The following FSTL4 variants were observed in gnomAD, a reference collection of about 807,000 sequenced individuals.
FSTL4 encodes the protein follistatin-related protein 4.
A neutral mutation model predicts 78.2 loss-of-function variants in FSTL4; 28 were observed. That is an observed-to-expected ratio of 0.36 (90% CI 0.27 to 0.49). The LOEUF (loss-of-function observed/expected upper bound fraction) is 0.49, where lower values mean the gene tolerates loss of function less well. FSTL4 is among the 20% of genes least tolerant of loss of function. The pLI, the probability that FSTL4 is intolerant of heterozygous loss-of-function variation, is 0.98. For synonymous variants in FSTL4, 422 were observed against 440.5 expected (o/e 0.96, Z 0.53); for missense variants, 922 against 1,084.9 (o/e 0.85, Z 2.11).
intron 8 of FSTL4, among the ~76,000 whole-genome samples, chr5:133,231,971 T>C (rs1436694665): frequency 1.4e-4 from 22 of 152,238 alleles, no homozygotes; most frequent in African/African-American, 5.1e-4. Flanking sequence ...AGAGGCACAG[T>C]CACGAAAGTA....
chr5:133,277,732 G>T (rs556904218), intron 6 of FSTL4, among the ~76,000 whole-genome samples: 4 of 152,154 alleles, frequency 2.6e-5, no homozygotes, highest in Non-Finnish European at 4.4e-5. Context: ...CTCACGAGTG[G>T]GGCTGACTCT....
chr5:133,798,984 G>GGGAGGGAGGAAGGGAGGGAT, the FSTL4 span, among the ~76,000 whole-genome samples: 1 of 87,276 alleles, frequency 1.1e-5, no homozygotes, highest in African/African-American at 5.5e-5. Flanking sequence ...GAGGGAGGGA[G>GGGAGGGAGGAAGGGAGGGAT]GGAGGAAGGG....
chr5:133,486,014 G>A lies in FSTL4; in HGVS notation c.160+81172C>T, dbSNP rs76194596. ...TCCCAAGGGAGCAGGAAGTACAAAG[G>A]CCCAGCTCCTGGGGGAATGGCACTC... On this transcript the variant is annotated intron_variant, in intron 3 of 15. Transcript: ENST00000265342. Among the ~76,000 whole-genome samples, 192 of 152,284 alleles carry A rather than the reference G, an allele frequency of 1.3e-3. 1 individual carries two copies. The highest frequency in any genetic ancestry group is 9.3e-3 in the East Asian group (48 of 5,180).
chr5:133,560,247 C>T (rs1225364967), intron 3 of FSTL4, among the ~76,000 whole-genome samples: 1 of 152,224 alleles, frequency 6.6e-6, no homozygotes, highest in East Asian at 1.9e-4. Flanking sequence ...AGCTATCCAC[C>T]ACAAGGTCCT....
At chr5:133,392,827 T>C (rs1580674598) in intron 4 of FSTL4, among the ~76,000 whole-genome samples, 2 of 152,322 alleles carry the variant, frequency 1.3e-5, no homozygotes, top group East Asian at 3.9e-4. Context: ...AGGCTGTAGC[T>C]TGTTTCCATA....
At chr5:133,231,437 T>C (rs566380821) in intron 8 of FSTL4, among the ~76,000 whole-genome samples, 1 of 152,152 alleles carries the variant, frequency 6.6e-6, no homozygotes, top group Non-Finnish European at 1.5e-5. Flanking sequence ...GCCAGCAATG[T>C]GGCAGAGACC....
intron 3 of FSTL4, among the ~76,000 whole-genome samples, chr5:133,537,795 TATAC>T (rs1003314535): frequency 1.1e-4 from 16 of 151,210 alleles, no homozygotes; most frequent in African/African-American, 3.9e-4. Context: ...TATATATATA[TATAC>T]ACACACACAC....
chr5:133,555,501 C>T (rs1313801342), intron 3 of FSTL4, among the ~76,000 whole-genome samples: 1 of 152,212 alleles, frequency 6.6e-6, no homozygotes, highest in African/African-American at 2.4e-5. Context: ...TCCCAACTCA[C>T]AGGCTTTCTT....
At chr5:133,240,254 T>G (rs1751807658) in intron 7 of FSTL4, among the ~76,000 whole-genome samples, 1 of 152,178 alleles carries the variant, frequency 6.6e-6, no homozygotes, top group South Asian at 2.1e-4. Context: ...GTCCGCGGCT[T>G]CATTCTTGAA....
chr5:133,760,525 G>A, the FSTL4 span, among the ~76,000 whole-genome samples: 1 of 152,194 alleles, frequency 6.6e-6, no homozygotes, highest in African/African-American at 2.4e-5. Flanking sequence ...TCCAGACAGG[G>A]CGATCTCCAT....
At chr5:133,287,283 G>T (rs1753153983) in intron 6 of FSTL4, among the ~76,000 whole-genome samples, 1 of 151,894 alleles carries the variant, frequency 6.6e-6, no homozygotes, top group Non-Finnish European at 1.5e-5. Context: ...AGCTACTCGG[G>T]AGGCTGAGGC....
intron 3 of FSTL4, among the ~76,000 whole-genome samples, chr5:133,520,479 A>G (rs916694060): frequency 1.5e-4 from 23 of 152,168 alleles, no homozygotes; most frequent in African/African-American, 5.6e-4. Flanking sequence ...GATGGACAGC[A>G]CTTTCATAGG....
rs748129732 is a variant in FSTL4 at position 133,210,205 on chromosome 5, G to A, written c.1702C>T (p.Arg568Ter). 5 of 1,596,010 alleles carry A rather than the reference G, an allele frequency of 3.1e-6. No individual in the cohort carries two copies. Among genetic ancestry groups the A allele is most frequent in the Non-Finnish European group, 4.3e-6 (5 of 1,163,650 alleles). Residue 568 changes from arginine (R) to a stop codon, truncating the protein, a stop_gained, in exon 14 of 16, where the codon CGA (arginine) becomes TGA (stop). Transcript: ENST00000265342. LOFTEE classifies it high-confidence loss of function. ...VLSWGDVHKS[R>*]PSLQVITEAS... is the part of the protein sequence containing the mutation. ...GCTCAACATACCTGGAGACTTGGTC[G>A]GGACTTGTGCACGTCCCCCCAGCTC...
intron 4 of FSTL4, among the ~76,000 whole-genome samples, chr5:133,366,733 T>C (rs1041363782): frequency 1.3e-5 from 2 of 151,606 alleles, no homozygotes; most frequent in Middle Eastern, 3.2e-3. Flanking sequence ...CCAAGGAACA[T>C]CAACGGACCA....
At chr5:133,353,133 T>C (rs908104806) in intron 4 of FSTL4, among the ~76,000 whole-genome samples, 5 of 152,224 alleles carry the variant, frequency 3.3e-5, no homozygotes, top group Admixed American at 6.5e-5. Context: ...AGTATAAAGA[T>C]GAGAATTTAG....
rs1308641152 is a variant in FSTL4, at chr5:133,221,920, T to TGTTTTTTG, written c.1340-1055_1340-1054insCAAAAAAC. On this transcript the variant is annotated intron_variant, in intron 11 of 15. Transcript: ENST00000265342. ...TTTTTTTTTTTTTTTTTTTTTTTTTTTTTTTTTAGCATGCTGAGAAAACTG... is the reference window on the plus strand; with the variant it reads ...TTTTTTTTTTTTTTTTTTTTTTTTTTGTTTTTTGTTTTTTTAGCATGCTGAGAAAACTG... 5.5e-4 allele frequency among the ~76,000 whole-genome samples: 72 copies of TGTTTTTTG among 130,402 alleles called. 3 individuals are homozygous for TGTTTTTTG. Among genetic ancestry groups the TGTTTTTTG allele is most frequent in the South Asian group, 2.5e-4 (1 of 4,062 alleles). 85.5% of individuals were successfully genotyped at this position (130,402 alleles called of 152,430 possible). A position where few individuals can be genotyped will look rare whatever the true frequency, so the allele number is the denominator to read the frequency against.
At chr5:133,705,059 T>G in the FSTL4 span, among the ~76,000 whole-genome samples, 3 of 152,156 alleles carry the variant, frequency 2.0e-5, no homozygotes, top group African/African-American at 7.2e-5. Context: ...AATATATGTT[T>G]TTGTTGTTGT....
chr5:133,513,637 C>A (rs1413654317), intron 3 of FSTL4, among the ~76,000 whole-genome samples: 1 of 152,152 alleles, frequency 6.6e-6, no homozygotes, highest in Non-Finnish European at 1.5e-5. Flanking sequence ...ACGGCAAGGA[C>A]AAAGGCTTCT....
At chr5:133,262,657 G>T (rs1752560629) in intron 6 of FSTL4, among the ~76,000 whole-genome samples, 1 of 152,168 alleles carries the variant, frequency 6.6e-6, no homozygotes, top group African/African-American at 2.4e-5. Context: ...TGGTAACCTT[G>T]CAGGCTGTAA....
Sources: gnomAD v4.1 joint callset for allele counts (sites outside exome capture counted in the v4.1 genomes callset) on GRCh38, gnomAD v4.1.1 for gene constraint, MANE v1.5 for transcripts, NCBI Gene and HGNC (gene_info 2026-07-23, HGNC 2026-07-21) for gene names.